Variants in RIN3 observed in about 807,000 individuals in gnomAD.
RIN3 encodes Ras and Rab interactor 3, also known as RAB5 interacting protein 3.
RIN3 carries 54 observed loss-of-function variants against 76.3 expected under a neutral mutation model. That is an observed-to-expected ratio of 0.71 (90% CI 0.57 to 0.89). RIN3 has a LOEUF of 0.89. Among genes scored for constraint, RIN3 ranks in the 40% least tolerant of loss-of-function variants. The pLI is 0.00. For missense variants in RIN3, 1,256 were observed against 1,322.1 expected, an observed-to-expected ratio of 0.95 and a Z score of 0.78; for synonymous variants, 576 against 564.0, an observed-to-expected ratio of 1.02 and a Z score of -0.30.
chr14:92,673,339 C>T lies in RIN3; in HGVS notation c.2336-3136C>T, dbSNP rs546642050. On this transcript the variant is annotated intron_variant, in intron 7 of 9. Coordinates refer to ENST00000216487, the MANE Select transcript of RIN3 (RefSeq NM_024832.5). ...CTATTATGACCAATACTGCCATGAA[C>T]ATTTGTGTGCAGGTCTCTGTGTGGA... Among the ~76,000 whole-genome samples, 5 of 152,224 alleles carry T rather than the reference C, an allele frequency of 3.3e-5. No individual in the cohort carries two copies. The South Asian group carries it at 1.0e-3, about 32-fold the overall frequency.
chr14:92,677,318 G>T (rs1234443968), intron 8 of RIN3, among the ~76,000 whole-genome samples: 1 of 152,036 alleles, frequency 6.6e-6, no homozygotes, highest in Non-Finnish European at 1.5e-5. Context: ...TTTCCTGAGG[G>T]GCAGCCAGTC....
At chr14:92,578,988 C>A (rs924322574) in intron 3 of RIN3, among the ~76,000 whole-genome samples, 1 of 151,546 alleles carries the variant, frequency 6.6e-6, no homozygotes, top group Admixed American at 6.6e-5. Context: ...AGTACAATGG[C>A]GTGATCTTGG....
chr14:92,528,137 A>G (rs2140000882), intron 1 of RIN3, among the ~76,000 whole-genome samples: 1 of 152,284 alleles, frequency 6.6e-6, no homozygotes, highest in South Asian at 2.1e-4. Flanking sequence ...AGGTGGGCTC[A>G]GGGACAGGAG....
At chr14:92,540,035 C>T (rs1477844332) in intron 1 of RIN3, among the ~76,000 whole-genome samples, 2 of 152,186 alleles carry the variant, frequency 1.3e-5, no homozygotes, top group African/African-American at 2.4e-5. Flanking sequence ...CAGCGGGGCA[C>T]CTAGCTGGAG....
At chr14:92,626,514 A>G (rs529659991) in intron 4 of RIN3, among the ~76,000 whole-genome samples, 1 of 152,286 alleles carries the variant, frequency 6.6e-6, no homozygotes, top group South Asian at 2.1e-4. Context: ...TCTCAAAGGG[A>G]AGAGAGTTGG....
At chr14:92,605,734 A>G (rs1387242941) in intron 3 of RIN3, among the ~76,000 whole-genome samples, 1 of 152,218 alleles carries the variant, frequency 6.6e-6, no homozygotes, top group Non-Finnish European at 1.5e-5. Flanking sequence ...TCTGAAATTT[A>G]CCTTTGCACC....
At chr14:92,544,414 T>TGGGGGGGGGGGGGGGGG (rs71123353) in intron 1 of RIN3, among the ~76,000 whole-genome samples, 13 of 74,544 alleles carry the variant, frequency 1.7e-4, no homozygotes, top group African/African-American at 2.7e-4. Context: ...GTGACAGCTG[T>TGGGGGGGGGGGGGGGGG]GGGGGGGGGG....
intron 6 of RIN3, among the ~76,000 whole-genome samples, chr14:92,655,547 A>G (rs1887637157): frequency 6.6e-6 from 1 of 152,244 alleles, no homozygotes; most frequent in Non-Finnish European, 1.5e-5. Context: ...TGCAGGGTTC[A>G]CGTCCAAGGG....
At chr14:92,560,167 A>G (rs1555383755) in intron 2 of RIN3, among the ~76,000 whole-genome samples, 1 of 152,196 alleles carries the variant, frequency 6.6e-6, no homozygotes, top group Non-Finnish European at 1.5e-5. Flanking sequence ...CAGCCCCAGC[A>G]GGGGAGGCAC....
intron 1 of RIN3, among the ~76,000 whole-genome samples, chr14:92,538,305 T>C (rs1397872331): frequency 6.6e-6 from 1 of 152,252 alleles, no homozygotes; most frequent in African/African-American, 2.4e-5. Context: ...TATTATTCCA[T>C]TGTTTGTATG....
chr14:92,683,305 G>A (rs1374940716), intron 8 of RIN3, among the ~76,000 whole-genome samples: 2 of 152,166 alleles, frequency 1.3e-5, no homozygotes, highest in African/African-American at 2.4e-5. Flanking sequence ...GGTTTCCAGG[G>A]TCTCCTTGCC....
At position 92,609,914 on chromosome 14, in the gene RIN3, C is replaced by A. The variant is rs1030561196; in HGVS notation, c.368-5493C>A. Among the ~76,000 whole-genome samples, 13 of 149,556 alleles carry A rather than the reference C, an allele frequency of 8.7e-5. No individual in the cohort carries two copies. The Admixed American group carries it at 8.7e-4, about 10-fold the overall frequency. ...GTATGTGTGTTTCTGGTTTTAATAA[C>A]AGCTTTATTCAGATGTGTTTATTTA... On this transcript the variant is annotated intron_variant, in intron 3 of 9. Coordinates refer to ENST00000216487, the MANE Select transcript of RIN3 (RefSeq NM_024832.5).
At chr14:92,534,799 C>A (rs998860606) in intron 1 of RIN3, among the ~76,000 whole-genome samples, 1 of 152,082 alleles carries the variant, frequency 6.6e-6, no homozygotes, top group Non-Finnish European at 1.5e-5. Flanking sequence ...GCACATTGAT[C>A]TGGGAAGATT....
intron 4 of RIN3, among the ~76,000 whole-genome samples, chr14:92,632,918 A>G (rs1015697551): frequency 5.9e-5 from 9 of 152,216 alleles, no homozygotes; most frequent in Non-Finnish European, 1.2e-4. Context: ...GAAAGCCTTG[A>G]ACGCCGTGCC....
At chr14:92,653,169 C>T (rs574539010) in intron 6 of RIN3, 94 bp downstream of exon 6, 82 of 1,326,768 alleles carry the variant, frequency 6.2e-5, no homozygotes, top group Admixed American at 5.1e-4. Flanking sequence ...ATGCAGTGGA[C>T]GCTGTTGGTG....
chr14:92,682,689 C>T (rs1888709326), intron 8 of RIN3, among the ~76,000 whole-genome samples: 1 of 152,214 alleles, frequency 6.6e-6, no homozygotes, highest in Non-Finnish European at 1.5e-5. Flanking sequence ...AAGCCCCACC[C>T]AGCCTTCCAC....
rs184176348 is a variant in RIN3, at chr14:92,632,824, G to A, written c.441-8414G>A. ...GGCAGAGGAGACAGCATGGGCAAAC[G>A]CCTGGCAGTGGGAAAGCTATGGGCA... is the stretch of plus-strand genomic sequence containing the variant. On this transcript the variant is annotated intron_variant, in intron 4 of 9. Coordinates refer to ENST00000216487, the MANE Select transcript of RIN3 (RefSeq NM_024832.5). Among the ~76,000 whole-genome samples, 182 of 152,336 alleles carry A rather than the reference G, an allele frequency of 1.2e-3. 1 individual carries two copies. The highest frequency in any genetic ancestry group is 4.3e-3 in the African/African-American group (177 of 41,576).
At chr14:92,665,852 C>T (rs577288276) in intron 7 of RIN3, among the ~76,000 whole-genome samples, 13 of 152,172 alleles carry the variant, frequency 8.5e-5, no homozygotes, top group African/African-American at 2.4e-4. Flanking sequence ...CTGACTTTGA[C>T]GTTCAGCAAT....
intron 1 of RIN3, among the ~76,000 whole-genome samples, chr14:92,555,446 C>G (rs2140034602): frequency 6.6e-6 from 1 of 152,278 alleles, no homozygotes; most frequent in East Asian, 1.9e-4. Context: ...TTTAAGAGAT[C>G]CCAGACCCTC....
Sources: gnomAD v4.1 joint callset for allele counts (sites outside exome capture counted in the v4.1 genomes callset) on GRCh38, gnomAD v4.1.1 for gene constraint, MANE v1.5 for transcripts, NCBI Gene and HGNC (gene_info 2026-07-23, HGNC 2026-07-21) for gene names.